Variants in OR6N1 observed in about 807,000 individuals in gnomAD.
OR6N1 encodes olfactory receptor family 6 subfamily N member 1, also known as olfactory receptor 6N1.
For synonymous variants in OR6N1, 170 were observed against 150.7 expected (o/e 1.13, Z -0.94); for missense variants, 394 against 371.7 (o/e 1.06, Z -0.49).
the OR6N1 span, among the ~76,000 whole-genome samples, chr1:158,825,447 A>G: frequency 6.6e-6 from 1 of 152,126 alleles, no homozygotes; most frequent in African/African-American, 2.4e-5. Context: ...TCAAAAAAAA[A>G]AAAAGTGAGC....
the OR6N1 span, among the ~76,000 whole-genome samples, chr1:158,819,690 G>T: frequency 2.6e-5 from 4 of 152,056 alleles, no homozygotes; most frequent in Middle Eastern, 6.8e-3. Context: ...TTCCTTTTTA[G>T]GAAAAAAAAG....
the OR6N1 span, among the ~76,000 whole-genome samples, chr1:158,778,293 A>G: frequency 6.6e-6 from 1 of 152,218 alleles, no homozygotes; most frequent in East Asian, 1.9e-4. Context: ...AAAGTACAGA[A>G]CACTTCAGTG....
At chr1:158,778,372 A>G in the OR6N1 span, among the ~76,000 whole-genome samples, 321 of 152,342 alleles carry the variant, frequency 2.1e-3, 7 homozygotes, top group African/African-American at 7.0e-3. Flanking sequence ...AGCCCGTAAG[A>G]TGAATTTTCC....
At chr1:158,802,510 A>G in the OR6N1 span, among the ~76,000 whole-genome samples, 1 of 152,110 alleles carries the variant, frequency 6.6e-6, no homozygotes, top group Non-Finnish European at 1.5e-5. Context: ...ACTTGAATAC[A>G]TGAAGAATCA....
At chr1:158,777,743 C>T in the OR6N1 span, 5 of 671,390 alleles carry the variant, frequency 7.4e-6, no homozygotes, top group African/African-American at 7.3e-5. Context: ...AAAAGTAGCA[C>T]TGAAATTACT....
chr1:158,765,942 C>T lies in OR6N1; in HGVS notation c.741G>A (p.Val247=). The change falls in exon 2 of 2, where the codon GTG becomes GTA. Residue 247 remains valine, a synonymous_variant. Transcript: ENST00000641846. The part of the protein sequence containing the change: ...AISTCASHFT[V]VLIFYGSILS... ...GGATGCTCCCATAGAAGATGAGAAC[C>T]ACAGTGAAGTGGGAGGCACACGTGG... 1 of 1,614,128 alleles carries T rather than the reference C, an allele frequency of 6.2e-7. No homozygotes were observed. The highest frequency in any genetic ancestry group is 8.5e-7 in the Non-Finnish European group (1 of 1,179,994).
the OR6N1 span, among the ~76,000 whole-genome samples, chr1:158,838,582 T>C: frequency 6.6e-6 from 1 of 152,142 alleles, no homozygotes; most frequent in East Asian, 1.9e-4. Flanking sequence ...GAGTTTATCA[T>C]AGTTGCAGCT....
chr1:158,765,011 A>G lies in OR6N1; in HGVS notation c.*733T>C, dbSNP rs1024859098. On this transcript the variant is annotated 3_prime_UTR_variant, in exon 2 of 2. Coordinates refer to ENST00000641846, the MANE Select transcript of OR6N1 (RefSeq NM_001005185.2). ...AAGTATTTTTGTTTATTTATGTTTT[A>G]CTAGATATTGTTCTAAGACCCAGAG... 6.6e-6 allele frequency: 1 copy of G among 152,056 alleles called. No individual in the cohort carries two copies. Among genetic ancestry groups the G allele is most frequent in the Non-Finnish European group, 1.5e-5 (1 of 67,976 alleles). 9.4% of individuals were successfully genotyped at this position (152,056 alleles called of 1,614,324 possible). A position where few individuals can be genotyped will look rare whatever the true frequency, so the allele number is the denominator to read the frequency against.
chr1:158,840,053 AT>A, the OR6N1 span, among the ~76,000 whole-genome samples: 3 of 152,082 alleles, frequency 2.0e-5, no homozygotes, highest in Non-Finnish European at 4.4e-5. Context: ...TTTTTAATTC[AT>A]TTTTTTAGGG....
At chr1:158,793,707 AT>A in the OR6N1 span, among the ~76,000 whole-genome samples, 1 of 151,976 alleles carries the variant, frequency 6.6e-6, no homozygotes, top group Non-Finnish European at 1.5e-5. Flanking sequence ...CACTTTTTAA[AT>A]TTTTTTTCCT....
At chr1:158,818,975 G>C in the OR6N1 span, among the ~76,000 whole-genome samples, 1 of 152,194 alleles carries the variant, frequency 6.6e-6, no homozygotes, top group African/African-American at 2.4e-5. Flanking sequence ...AGAACAAAGT[G>C]CTAACAAGTT....
At chr1:158,826,946 C>G in the OR6N1 span, among the ~76,000 whole-genome samples, 1 of 152,092 alleles carries the variant, frequency 6.6e-6, no homozygotes, top group Non-Finnish European at 1.5e-5. Context: ...TATGAAGGTC[C>G]TTGAGTACCA....
At chr1:158,831,847 G>T in the OR6N1 span, among the ~76,000 whole-genome samples, 3 of 152,036 alleles carry the variant, frequency 2.0e-5, no homozygotes, top group African/African-American at 7.2e-5. Flanking sequence ...GGTTTTCTTG[G>T]CTGGAGGATG....
chr1:158,800,021 G>C, the OR6N1 span, among the ~76,000 whole-genome samples: 3 of 152,148 alleles, frequency 2.0e-5, no homozygotes, highest in African/African-American at 4.8e-5. Context: ...GAAAGCGTTA[G>C]AAAACGTTGG....
the OR6N1 span, among the ~76,000 whole-genome samples, chr1:158,782,324 A>T: frequency 2.0e-5 from 3 of 152,190 alleles, no homozygotes; most frequent in African/African-American, 7.2e-5. Context: ...AACTTCTCCA[A>T]ATAATTAACT....
chr1:158,765,489 C>T lies in OR6N1; in HGVS notation c.*255G>A, dbSNP rs1437164168. The T allele has an allele frequency of 1.3e-5, 5 of 376,386 alleles. No homozygotes were observed. The highest frequency in any genetic ancestry group is 1.0e-4 in the African/African-American group (5 of 49,272). The allele number at this position is 376,386 out of a possible 1,614,324, so 23.3% of individuals were successfully genotyped here. On this transcript the variant is annotated 3_prime_UTR_variant, in exon 2 of 2. Coordinates refer to ENST00000641846, the MANE Select transcript of OR6N1 (RefSeq NM_001005185.2). Reference sequence around the variant, plus strand: ...AAACCTAAGTGTGATACATAAACATCTGAGTTTTGAAAATCACTGCACTAC... The same window carrying T: ...AAACCTAAGTGTGATACATAAACATTTGAGTTTTGAAAATCACTGCACTAC...
At chr1:158,836,396 C>T in the OR6N1 span, among the ~76,000 whole-genome samples, 2 of 151,932 alleles carry the variant, frequency 1.3e-5, no homozygotes, top group Non-Finnish European at 2.9e-5. Flanking sequence ...CTGATTCAGT[C>T]TCCTGACTAG....
rs960258281 is a variant in OR6N1 at position 158,765,651 on chromosome 1, G to C, written c.*93C>G. 9.7e-7 allele frequency: 1 copy of C among 1,029,406 alleles called. No individual in the cohort carries two copies. Among genetic ancestry groups the C allele is most frequent in the South Asian group, 1.5e-5 (1 of 66,018 alleles). 63.8% of individuals were successfully genotyped at this position (1,029,406 alleles called of 1,614,324 possible). A position where few individuals can be genotyped will look rare whatever the true frequency, so the allele number is the denominator to read the frequency against. On this transcript the variant is annotated 3_prime_UTR_variant, in exon 2 of 2. Transcript: ENST00000641846. ...CAGCTCCACCACCCCACATAGAAAAGCACTGAATTTTTAGTTTCTCGTCTC... is the reference window on the plus strand; with the variant it reads ...CAGCTCCACCACCCCACATAGAAAACCACTGAATTTTTAGTTTCTCGTCTC...
chr1:158,769,471 A>G (rs1236802135), intron 1 of OR6N1, among the ~76,000 whole-genome samples: 2 of 152,206 alleles, frequency 1.3e-5, no homozygotes, highest in Non-Finnish European at 2.9e-5. Flanking sequence ...GCCAGAAGAT[A>G]TAATTTTTAT....
Sources: allele counts gnomAD v4.1 joint callset (sites outside exome capture counted in the v4.1 genomes callset), GRCh38; gene constraint gnomAD v4.1.1; transcripts MANE v1.5; gene names NCBI Gene and HGNC (gene_info 2026-07-23, HGNC 2026-07-21).